The following TTBK1 variants were observed in gnomAD, a reference collection of about 807,000 sequenced individuals.
The protein encoded by TTBK1 is tau tubulin kinase 1, also known as tau-tubulin kinase 1.
A neutral mutation model predicts 108.5 loss-of-function variants in TTBK1; 34 were observed. The ratio of observed to expected loss-of-function variants is 0.31; its 90% CI spans 0.24 to 0.42. The LOEUF (loss-of-function observed/expected upper bound fraction) is 0.42. Among genes scored for constraint, TTBK1 ranks in the 10% least tolerant of loss-of-function variants. The pLI, the probability that TTBK1 is intolerant of heterozygous loss-of-function variation, is 1.00. For synonymous variants in TTBK1, 809 were observed against 795.1 expected (o/e 1.02, Z -0.29); for missense variants, 1,539 against 1,826.0 (o/e 0.84, Z 2.86).
chr6:43,247,070 G>T (rs1191454212), intron 2 of TTBK1, among the ~76,000 whole-genome samples: 3 of 152,208 alleles, frequency 2.0e-5, no homozygotes, highest in Non-Finnish European at 4.4e-5. Flanking sequence ...GGCCAGTGTG[G>T]CGGAGGAGGA....
Position 43,263,870 on chromosome 6 carries a change from T to C in TTBK1, c.1986+520T>C, listed in dbSNP as rs893950842. Reference sequence around the variant, plus strand: ...CTGCTGTGTGGAAAATGGATTGAAATGGCCTGAAATGAGATGCAAGCAGGC... The same window carrying C: ...CTGCTGTGTGGAAAATGGATTGAAACGGCCTGAAATGAGATGCAAGCAGGC... On this transcript the variant is annotated intron_variant, in intron 13 of 14. Coordinates refer to ENST00000259750, the MANE Select transcript of TTBK1 (RefSeq NM_032538.3). This position sits in a 1 kb window ranked among gnomAD's most constrained non-coding sequence, Gnocchi z 4.7. Among the ~76,000 whole-genome samples, 5 of 152,050 alleles carry C rather than the reference T, an allele frequency of 3.3e-5. No individual in the cohort carries two copies. Among genetic ancestry groups the C allele is most frequent in the Non-Finnish European group, 7.4e-5 (5 of 68,018 alleles).
intron 13 of TTBK1, chr6:43,272,013 A>G: frequency 3.0e-6 from 3 of 985,464 alleles, no homozygotes; most frequent in Non-Finnish European, 3.6e-6. Context: ...GAGAAGGGAC[A>G]GAAAACAAAA....
At position 43,265,101 on chromosome 6, in the gene TTBK1, G is replaced by A. The variant is rs1777640973; in HGVS notation, c.1986+1751G>A. Among the ~76,000 whole-genome samples, 1 of 152,238 alleles carries A rather than the reference G, an allele frequency of 6.6e-6. No homozygotes were observed. The highest frequency in any genetic ancestry group is 6.5e-5 in the Admixed American group (1 of 15,290). On this transcript the variant is annotated intron_variant, in intron 13 of 14. Coordinates refer to ENST00000259750, the MANE Select transcript of TTBK1 (RefSeq NM_032538.3). This position sits in a 1 kb window ranked among gnomAD's most constrained non-coding sequence, Gnocchi z 4.1. ...GAAATGGAGGAAAACTCCAAATGGGGTCCATGAACCCACAGAGGGGCTGGG... is the reference window on the plus strand; with the variant it reads ...GAAATGGAGGAAAACTCCAAATGGGATCCATGAACCCACAGAGGGGCTGGG...
chr6:43,258,687 G>C lies in TTBK1; in HGVS notation c.1017-351G>C, dbSNP rs531348509. On this transcript the variant is annotated intron_variant, in intron 10 of 14. Transcript: ENST00000259750. ...TAATAAAAGAAAACTAAATTTAAAA[G>C]GATCTCCAAAGTGATTCTCCTTTTT... 1.1e-3 allele frequency among the ~76,000 whole-genome samples: 166 copies of C among 152,260 alleles called. 1 individual carries two copies. Among genetic ancestry groups the C allele is most frequent in the African/African-American group, 3.6e-3 (149 of 41,548 alleles).
At position 43,253,463 on chromosome 6, in the gene TTBK1, C is replaced by A; in HGVS notation, c.330+99C>A. 1 of 1,591,278 alleles carries A rather than the reference C, an allele frequency of 6.3e-7. No individual in the cohort carries two copies. The highest frequency in any genetic ancestry group is 1.1e-5 in the South Asian group (1 of 89,526). On this transcript the variant is annotated intron_variant, in intron 4 of 14. Transcript: ENST00000259750. This position sits in a 1 kb window ranked among gnomAD's most constrained non-coding sequence, Gnocchi z 5.8. ...GGTAGACTGTGGCCCTGGGAAAGGG[C>A]AGTGGGCACAACCCTTTGGGGTGAG...
In TTBK1 at chr6:43,283,209, C is replaced by G; in HGVS notation, c.2469C>G (p.Ala823=). 6.4e-7 allele frequency: 1 copy of G among 1,551,824 alleles called. No individual in the cohort carries two copies. Among genetic ancestry groups the G allele is most frequent in the Non-Finnish European group, 8.7e-7 (1 of 1,148,090 alleles). The change falls in exon 14 of 15, where the codon GCC becomes GCG. Residue 823 remains alanine (A), a synonymous_variant. Coordinates refer to ENST00000259750, the MANE Select transcript of TTBK1 (RefSeq NM_032538.3). This position sits in a 1 kb window ranked among gnomAD's most constrained non-coding sequence, Gnocchi z 8.1. ...QKESRGRASM[A]DGDLEPEEGS... ...AGTCCAGGGGCCGGGCCTCCATGGC[C>G]GATGGGGACCTGGAGCCTGAGGAGG...
At chr6:43,264,127 A>G (rs866987190) in intron 13 of TTBK1, among the ~76,000 whole-genome samples, 34 of 152,202 alleles carry the variant, frequency 2.2e-4, no homozygotes, top group African/African-American at 8.0e-4. Flanking sequence ...CAGGCCTGTA[A>G]TCCCAGCAAT....
chr6:43,260,895 C>T (rs1252467096), intron 12 of TTBK1, among the ~76,000 whole-genome samples: 1 of 152,060 alleles, frequency 6.6e-6, no homozygotes, highest in African/African-American at 2.4e-5. Context: ...CCCACTGTCT[C>T]CTGTCTCCAA....
intron 7 of TTBK1, 69 bp downstream of exon 7, chr6:43,255,183 T>TGGGGGGGGGG: frequency 4.9e-6 from 1 of 206,162 alleles, no homozygotes. Context: ...AGTGTGCTGC[T>TGGGGGGGGGG]GGGGAGGGGT....
chr6:43,257,670 G>A lies in TTBK1; in HGVS notation c.862-142G>A, dbSNP rs7769668. 0.22 allele frequency: 159,710 copies of A among 710,802 alleles called. 18,886 individuals carry two copies. Among genetic ancestry groups the A allele is most frequent in the East Asian group, 0.34 (12,486 of 36,228 alleles). The allele number at this position is 710,802 out of a possible 1,614,324, so 44.0% of individuals were successfully genotyped here. A position where few individuals can be genotyped will look rare whatever the true frequency, so the allele number is the denominator to read the frequency against. ...TGTTTTCATTTAAAATCAATGTGCC[G>A]TTCTCCTTCCAATGCCCCCTCCAGG... On this transcript the variant is annotated intron_variant, in intron 9 of 14. Transcript: ENST00000259750. The surrounding 1 kb of genome is among the most constrained non-coding windows in gnomAD (Gnocchi z 4.5).
chr6:43,254,743 A>C, intron 6 of TTBK1, 92 bp downstream of exon 6: 1 of 1,231,906 alleles, frequency 8.1e-7, no homozygotes, highest in Non-Finnish European at 1.1e-6. Flanking sequence ...CAGCTGCCTA[A>C]GCTGGCCTGG....
intron 2 of TTBK1, among the ~76,000 whole-genome samples, chr6:43,252,029 A>G (rs1777255578): frequency 1.3e-5 from 2 of 152,028 alleles, no homozygotes; most frequent in Non-Finnish European, 2.9e-5. Flanking sequence ...GGGGTCGCTC[A>G]GTCTACACAG....
intron 13 of TTBK1, among the ~76,000 whole-genome samples, chr6:43,268,936 G>A (rs1777749751): frequency 6.6e-6 from 1 of 152,218 alleles, no homozygotes; most frequent in South Asian, 2.1e-4. Flanking sequence ...TCCAAGTACT[G>A]CACATCTTAT....
rs1293550428 is a variant in TTBK1, at chr6:43,253,374, C to T, written c.330+10C>T. 5 of 1,613,880 alleles carry T rather than the reference C, an allele frequency of 3.1e-6. No homozygotes were observed. Among genetic ancestry groups the T allele is most frequent in the South Asian group, 1.1e-5 (1 of 91,046 alleles). On this transcript the variant is annotated intron_variant, in intron 4 of 14. Coordinates refer to ENST00000259750, the MANE Select transcript of TTBK1 (RefSeq NM_032538.3). This position sits in a 1 kb window ranked among gnomAD's most constrained non-coding sequence, Gnocchi z 5.8. ...AGTGATGCAGCTCCAGGTGAGTCCC[C>T]GTGGCCCATCCTCGCTCCCCTCTCT...
At chr6:43,262,477 G>C (rs556619650) in intron 12 of TTBK1, among the ~76,000 whole-genome samples, 5 of 152,222 alleles carry the variant, frequency 3.3e-5, no homozygotes, top group Non-Finnish European at 5.9e-5. Flanking sequence ...GCCCAGGAGA[G>C]AGCGTTCCTT....
chr6:43,283,008 G>T lies in TTBK1; in HGVS notation c.2268G>T (p.Glu756Asp). Residue 756 changes from glutamate to aspartate, a missense_variant, in exon 14 of 15, where the codon GAG (glutamate) becomes GAT (aspartate). Transcript: ENST00000259750. The surrounding 1 kb of genome is among the most constrained non-coding windows in gnomAD (Gnocchi z 8.1). ...ATGAGGAAGAAGAAGAGGAGGAAGA[G>T]GAAGAGGAGGAGGAAGAAGAGGAGG... ...EEDEEEEEEE[E>D]EEEEEEEEEE... 6.3e-7 allele frequency: 1 copy of T among 1,596,488 alleles called. No homozygotes were observed. Among genetic ancestry groups the T allele is most frequent in the Admixed American group, 1.7e-5 (1 of 57,240 alleles).
At chr6:43,268,603 G>T (rs1447954943) in intron 13 of TTBK1, among the ~76,000 whole-genome samples, 1 of 152,140 alleles carries the variant, frequency 6.6e-6, no homozygotes, top group African/African-American at 2.4e-5. Flanking sequence ...AGAGGGTCAG[G>T]CTGGGAGAGG....
chr6:43,254,583 A>T lies in TTBK1; in HGVS notation c.508A>T (p.Arg170Trp). ...FAMGRLPSTYRKCYMLDFGLA... is the reference protein window; with the variant it reads ...FAMGRLPSTYWKCYMLDFGLA... ...CATGGGCAGGCTGCCCTCCACCTAC[A>T]GGAAGTGCTATATGCTGGACTTCGG... is the stretch of plus-strand genomic sequence containing the variant. The change falls in exon 6 of 15, where the codon AGG (arginine) becomes TGG (tryptophan). Residue 170 changes from arginine to tryptophan, a missense_variant. By Grantham distance (101) the Arg-to-Trp change is moderately radical. Coordinates refer to ENST00000259750, the MANE Select transcript of TTBK1 (RefSeq NM_032538.3). The T allele has an allele frequency of 6.3e-7, 1 of 1,583,578 alleles. No homozygotes were observed. The highest frequency in any genetic ancestry group is 8.6e-7 in the Non-Finnish European group (1 of 1,167,770).
chr6:43,263,108 G>T lies in TTBK1; in HGVS notation c.1744G>T (p.Glu582Ter). ...EELRPLPEEG[E>*]ERRRLGAEPT... The stretch of plus-strand genomic sequence containing the variant: ...GCTGCGGCCACTGCCCGAGGAGGGC[G>T]AAGAGCGGCGGCGGCTGGGGGCAGA... Residue 582 changes from glutamate (E) to a stop codon, truncating the protein, a stop_gained, in exon 13 of 15, where the codon GAA becomes TAA. Transcript: ENST00000259750. LOFTEE classifies it high-confidence loss of function. The surrounding 1 kb of genome is among the most constrained non-coding windows in gnomAD (Gnocchi z 4.7). The T allele has an allele frequency of 6.4e-7, 1 of 1,568,122 alleles. No individual in the cohort carries two copies. Among genetic ancestry groups the T allele is most frequent in the Non-Finnish European group, 8.7e-7 (1 of 1,155,784 alleles).
Sources: allele counts gnomAD v4.1 joint callset (sites outside exome capture counted in the v4.1 genomes callset), GRCh38; gene constraint gnomAD v4.1.1; non-coding constraint Gnocchi (gnomAD v3.1); transcripts MANE v1.5; gene names NCBI Gene and HGNC (gene_info 2026-07-23, HGNC 2026-07-21).